USP6NL: variants seen among roughly 807,000 people sequenced by gnomAD.
USP6NL encodes the protein USP6 N-terminal-like protein.
In USP6NL, 26 loss-of-function variants were observed where a neutral mutation model predicts 61.9. The observed-to-expected ratio is 0.42, with a 90% CI of 0.31 to 0.58. The LOEUF (loss-of-function observed/expected upper bound fraction) is 0.58, where lower values mean the gene tolerates loss of function less well. USP6NL is among the 20% of genes least tolerant of loss of function. The probability of loss-of-function intolerance (pLI) is 0.16; values close to 1 mark genes in which losing one functional copy is unlikely to be tolerated. For synonymous variants in USP6NL, 432 were observed against 390.1 expected (o/e 1.11, Z -1.27); for missense variants, 1,114 against 1,034.3 (o/e 1.08, Z -1.06).
At chr10:11,606,790 T>A (rs545392089) in intron 1 of USP6NL, among the ~76,000 whole-genome samples, 1 of 151,944 alleles carries the variant, frequency 6.6e-6, no homozygotes, top group South Asian at 2.1e-4. Flanking sequence ...ATTTTGAAAT[T>A]TTTTCTTTTT....
In USP6NL at chr10:11,485,078, T is replaced by TA; in HGVS notation, c.826-9dup. On this transcript the variant is annotated splice_polypyrimidine_tract_variant and intron_variant, in intron 12 of 14. Transcript: ENST00000609104. The surrounding 1 kb of genome is among the most constrained non-coding windows in gnomAD (Gnocchi z 4.8). ...GTTTAGTGTAAAGGGAGTCTACAAT[T>TA]AAAAGCAAAACAAAACAAAAATAGG... 6.5e-7 allele frequency: 1 copy of TA among 1,539,284 alleles called. No homozygotes were observed. The highest frequency in any genetic ancestry group is 1.7e-4 in the Middle Eastern group (1 of 5,962).
Position 11,481,883 on chromosome 10 carries a change from A to C in USP6NL, c.965T>G (p.Phe322Cys), listed in dbSNP as rs367992927. 1 of 1,611,854 alleles carries C rather than the reference A, an allele frequency of 6.2e-7. No individual in the cohort carries two copies. The highest frequency in any genetic ancestry group is 8.5e-7 in the Non-Finnish European group (1 of 1,179,032). Residue 322 changes from phenylalanine (F) to cysteine (C), a missense_variant, in exon 14 of 15, where the codon TTT (phenylalanine) becomes TGT (cysteine). Coordinates refer to ENST00000609104, the MANE Select transcript of USP6NL (RefSeq NM_014688.5). This position sits in a 1 kb window ranked among gnomAD's most constrained non-coding sequence, Gnocchi z 4.4. Reference protein sequence around the residue: ...MKLSMEELVEFFQETLAKDFF... With the variant: ...MKLSMEELVECFQETLAKDFF... ...ATCCTTTGCCAGGGTCTCCTGAAAA[A>C]ATTCTACAAGTTCTTCCATGGACAA...
At position 11,489,930 on chromosome 10, in the gene USP6NL, C is replaced by T. The variant is rs762327790; in HGVS notation, c.544-708G>A. On this transcript the variant is annotated intron_variant, in intron 9 of 14. Coordinates refer to ENST00000609104, the MANE Select transcript of USP6NL (RefSeq NM_014688.5). This position sits in a 1 kb window ranked among gnomAD's most constrained non-coding sequence, Gnocchi z 5.7. ...GCAATCTGAGCCGCAGTATAACTGG[C>T]CAGTAGGCAAAGGAAGCAATCTGGA... Among the ~76,000 whole-genome samples, 3 of 152,162 alleles carry T rather than the reference C, an allele frequency of 2.0e-5. No homozygotes were observed. Among genetic ancestry groups the T allele is most frequent in the Non-Finnish European group, 2.9e-5 (2 of 68,026 alleles).
rs1832525410 is a variant in USP6NL at position 11,467,553 on chromosome 10, A to G, written c.1079-3704T>C. Among the ~76,000 whole-genome samples the G allele has an allele frequency of 2.6e-5, 4 of 152,364 alleles. No individual in the cohort carries two copies. The South Asian group carries it at 8.3e-4, about 32-fold the overall frequency. On this transcript the variant is annotated intron_variant, in intron 14 of 14. Coordinates refer to ENST00000609104, the MANE Select transcript of USP6NL (RefSeq NM_014688.5). ...TAGAGGATTTGTGAAATTCAGTAAC[A>G]ATTATGAAACAAAAATATGGTGAAA... is the stretch of plus-strand genomic sequence containing the variant.
intron 6 of USP6NL, among the ~76,000 whole-genome samples, chr10:11,502,708 A>C (rs1834253472): frequency 6.6e-6 from 1 of 152,226 alleles, no homozygotes. Flanking sequence ...AGAAACTTCG[A>C]TCATGTGGTT....
At chr10:11,484,309 C>T (rs567898388) in intron 13 of USP6NL, among the ~76,000 whole-genome samples, 10 of 151,950 alleles carry the variant, frequency 6.6e-5, no homozygotes, top group Admixed American at 6.5e-5. Flanking sequence ...GAAAAAAAAT[C>T]TCATTTCTTT....
intron 2 of USP6NL, among the ~76,000 whole-genome samples, chr10:11,554,068 A>T (rs1014375133): frequency 1.3e-5 from 2 of 152,154 alleles, no homozygotes; most frequent in African/African-American, 4.8e-5. Flanking sequence ...TCTTAAAGCT[A>T]ACTCATTAGG....
intron 6 of USP6NL, among the ~76,000 whole-genome samples, chr10:11,509,343 A>T (rs1036784343): frequency 7.2e-5 from 11 of 152,236 alleles, no homozygotes; most frequent in Admixed American, 6.5e-4. Flanking sequence ...AAGCAGCTGA[A>T]TTAAATCACT....
At chr10:11,609,933 A>C (rs1838833818) in intron 1 of USP6NL, among the ~76,000 whole-genome samples, 1 of 152,248 alleles carries the variant, frequency 6.6e-6, no homozygotes, top group Non-Finnish European at 1.5e-5. Flanking sequence ...GACTAGTCTT[A>C]CCAGAAACAA....
intron 14 of USP6NL, among the ~76,000 whole-genome samples, chr10:11,464,891 C>T (rs1591810411): frequency 6.6e-6 from 1 of 152,056 alleles, no homozygotes; most frequent in Non-Finnish European, 1.5e-5. Context: ...CCTTGAAATG[C>T]CAGGAATGGA....
At chr10:11,544,504 T>TA (rs1194770683) in intron 2 of USP6NL, among the ~76,000 whole-genome samples, 1 of 152,106 alleles carries the variant, frequency 6.6e-6, no homozygotes, top group Non-Finnish European at 1.5e-5. Flanking sequence ...TTTTTTTTTT[T>TA]AAGACAGAAT....
intron 6 of USP6NL, among the ~76,000 whole-genome samples, chr10:11,507,752 G>A (rs1834519681): frequency 6.6e-6 from 1 of 152,034 alleles, no homozygotes; most frequent in Non-Finnish European, 1.5e-5. Context: ...TTAATAATAA[G>A]CAACACATAC....
chr10:11,578,053 A>G (rs983629902), intron 2 of USP6NL, among the ~76,000 whole-genome samples: 2 of 152,094 alleles, frequency 1.3e-5, no homozygotes, highest in Non-Finnish European at 2.9e-5. Context: ...TCTGCCTCCC[A>G]GGCTCAAGTG....
In USP6NL at chr10:11,594,994, A is replaced by G. The variant is rs768503053; in HGVS notation, c.4+2637T>C. On this transcript the variant is annotated intron_variant, in intron 2 of 14. Transcript: ENST00000609104. ...AGCAGCGCACAGGGCTCACCTCCCA[A>G]CTGGAGTGCTGTGTGGGTGACAGGC... Among the ~76,000 whole-genome samples the G allele has an allele frequency of 1.2e-3, 185 of 152,332 alleles. 1 individual carries two copies. The highest frequency in any genetic ancestry group is 6.8e-3 in the Middle Eastern group (2 of 294).
At chr10:11,570,396 T>C (rs1467454528) in intron 2 of USP6NL, among the ~76,000 whole-genome samples, 1 of 152,168 alleles carries the variant, frequency 6.6e-6, no homozygotes, top group Non-Finnish European at 1.5e-5. Context: ...TATGAAGGAA[T>C]GAACGTGGAA....
chr10:11,527,549 G>T lies in USP6NL; in HGVS notation c.23C>A (p.Ala8Glu). 5.6e-6 allele frequency: 9 copies of T among 1,609,432 alleles called. No homozygotes were observed. Among genetic ancestry groups the T allele is most frequent in the Non-Finnish European group, 7.6e-6 (9 of 1,177,740 alleles). ...AGCTCGCTCCTGGGCAAGTTTGAGT[G>T]CTACATCCTGGTCTGAATCTGTGGA... MNSDQDV[A>E]LKLAQERAEI... The change falls in exon 3 of 15, where the codon GCA (alanine) becomes GAA (glutamate). Residue 8 changes from alanine to glutamate, a missense_variant. Transcript: ENST00000609104.
At chr10:11,508,548 C>T (rs907150250) in intron 6 of USP6NL, among the ~76,000 whole-genome samples, 5 of 152,306 alleles carry the variant, frequency 3.3e-5, no homozygotes, top group Admixed American at 2.6e-4. Flanking sequence ...AGCAGTAGTG[C>T]TGTACTGTGG....
intron 14 of USP6NL, among the ~76,000 whole-genome samples, chr10:11,464,122 G>A (rs986201099): frequency 6.6e-6 from 1 of 152,214 alleles, no homozygotes; most frequent in South Asian, 2.1e-4. Context: ...GAGAGTGCCA[G>A]CAAGGAGGCG....
chr10:11,606,425 A>C (rs1838708341), intron 1 of USP6NL, among the ~76,000 whole-genome samples: 2 of 152,220 alleles, frequency 1.3e-5, no homozygotes, highest in South Asian at 4.1e-4. Flanking sequence ...GGAAAATGAA[A>C]TGCAGTTAAG....
Sources: gnomAD v4.1 joint callset for allele counts (sites outside exome capture counted in the v4.1 genomes callset) on GRCh38, gnomAD v4.1.1 for gene constraint, Gnocchi (gnomAD v3.1) non-coding constraint, MANE v1.5 for transcripts, NCBI Gene and HGNC (gene_info 2026-07-23, HGNC 2026-07-21) for gene names.